The following TRPM3 variants were observed in gnomAD, a reference collection of about 807,000 sequenced individuals.
The protein encoded by TRPM3 is transient receptor potential cation channel subfamily M member 3, also known as long transient receptor potential channel 3.
A neutral mutation model predicts 181.2 loss-of-function variants in TRPM3; 77 were observed. The ratio of observed to expected loss-of-function variants is 0.42; its 90% CI spans 0.35 to 0.51. The LOEUF is 0.51. Ranked by LOEUF, TRPM3 falls within the 20% of genes least tolerant of loss-of-function variation. The pLI, the probability that TRPM3 is intolerant of heterozygous loss-of-function variation, is 0.01. For synonymous variants in TRPM3, 745 were observed against 796.4 expected, an observed-to-expected ratio of 0.94 and a Z score of 1.09; for missense variants, 1,759 against 2,196.7, an observed-to-expected ratio of 0.80 and a Z score of 3.98.
chr9:70,654,108 G>A (rs1460490404), intron 9 of TRPM3, among the ~76,000 whole-genome samples: 1 of 151,824 alleles, frequency 6.6e-6, no homozygotes, highest in Admixed American at 6.6e-5. Context: ...GTTGTTTAAG[G>A]ATCCTAATTA....
chr9:71,010,615 C>T (rs576991825), intron 1 of TRPM3, among the ~76,000 whole-genome samples: 9 of 151,830 alleles, frequency 5.9e-5, no homozygotes, highest in African/African-American at 1.9e-4. Context: ...AAAGACAAAA[C>T]GTATATAATA....
intron 1 of TRPM3, among the ~76,000 whole-genome samples, chr9:71,283,658 T>C (rs538301019): frequency 2.6e-5 from 4 of 152,320 alleles, no homozygotes; most frequent in African/African-American, 9.6e-5. Context: ...CACGTTTTGT[T>C]TATCCATTCA....
Position 71,288,747 on chromosome 9 carries a change from G to A in TRPM3, c.183+157906C>T, listed in dbSNP as rs530712035. On this transcript the variant is annotated intron_variant, in intron 1 of 24. Coordinates refer to the TRPM3 transcript ENST00000357533. ...TCAGCCAATCCTGAGTTGACTCAGA[G>A]TCTAGATTTTTAAAGAAAATCAAAG... 3.3e-5 allele frequency among the ~76,000 whole-genome samples: 5 copies of A among 152,240 alleles called. No individual in the cohort carries two copies. The East Asian group carries it at 9.7e-4, about 29-fold the overall frequency.
chr9:71,299,447 A>G (rs991479993), intron 1 of TRPM3, among the ~76,000 whole-genome samples: 26 of 151,906 alleles, frequency 1.7e-4, no homozygotes, highest in Non-Finnish European at 3.8e-4. Context: ...AAACTGAGAA[A>G]GGAAAAAGAA....
At chr9:70,678,034 G>A (rs950744909) in intron 9 of TRPM3, among the ~76,000 whole-genome samples, 24 of 151,206 alleles carry the variant, frequency 1.6e-4, no homozygotes, top group African/African-American at 5.8e-4. Context: ...TTGTTTATCT[G>A]AAAATTCAAA....
chr9:71,391,532 A>T (rs1191240810), intron 1 of TRPM3, among the ~76,000 whole-genome samples: 1 of 152,072 alleles, frequency 6.6e-6, no homozygotes, highest in Non-Finnish European at 1.5e-5. Flanking sequence ...TTTTAAGCTC[A>T]ATTTATAAAT....
chr9:71,009,862 T>C (rs1435879855), intron 1 of TRPM3, among the ~76,000 whole-genome samples: 1 of 150,620 alleles, frequency 6.6e-6, no homozygotes, highest in Non-Finnish European at 1.5e-5. Flanking sequence ...AAAAGCATAG[T>C]ACTGTCATAA....
intron 6 of TRPM3, among the ~76,000 whole-genome samples, chr9:70,819,125 G>C (rs2092948117): frequency 1.3e-5 from 2 of 152,182 alleles, no homozygotes; most frequent in Non-Finnish European, 1.5e-5. Flanking sequence ...TCCGAGTAGT[G>C]TTTCCTAAGA....
At chr9:70,747,712 T>G (rs2075423715) in intron 8 of TRPM3, among the ~76,000 whole-genome samples, 2 of 151,934 alleles carry the variant, frequency 1.3e-5, no homozygotes, top group Non-Finnish European at 2.9e-5. Context: ...AGAGACTGTA[T>G]CTGGTATGCA....
intron 1 of TRPM3, among the ~76,000 whole-genome samples, chr9:71,161,833 A>G (rs2076285818): frequency 6.6e-6 from 1 of 152,162 alleles, no homozygotes; most frequent in Non-Finnish European, 1.5e-5. Flanking sequence ...GATAAGTGAA[A>G]TACCTAAAAG....
At chr9:71,025,702 G>T (rs1212456466) in intron 1 of TRPM3, among the ~76,000 whole-genome samples, 4 of 152,212 alleles carry the variant, frequency 2.6e-5, no homozygotes, top group African/African-American at 9.6e-5. Flanking sequence ...AATGAGTTTG[G>T]GTTTTTTTCC....
intron 1 of TRPM3, among the ~76,000 whole-genome samples, chr9:70,928,243 T>C (rs77206108): frequency 0.027 from 4,171 of 152,320 alleles, 193 homozygotes; most frequent in African/African-American, 0.094. Context: ...TAATGAGCTC[T>C]AGTTTATACA....
At chr9:70,564,278 T>C (rs1237465625) in intron 22 of TRPM3, among the ~76,000 whole-genome samples, 3 of 152,194 alleles carry the variant, frequency 2.0e-5, no homozygotes, top group Admixed American at 2.0e-4. Flanking sequence ...TAAAATAAGT[T>C]ACTCTTTCAG....
At chr9:70,681,400 T>A (rs1002570178) in intron 9 of TRPM3, 106 bp downstream of exon 9, 1 of 899,122 alleles carries the variant, frequency 1.1e-6, no homozygotes, top group Non-Finnish European at 1.8e-6. Context: ...AATAATTTAT[T>A]GTGTCATAGT....
intron 3 of TRPM3, among the ~76,000 whole-genome samples, chr9:70,856,446 C>G (rs1361981664): frequency 6.6e-6 from 1 of 152,178 alleles, no homozygotes; most frequent in African/African-American, 2.4e-5. Flanking sequence ...TAATTTCCTA[C>G]TTGGTGTGTG....
chr9:70,996,671 T>C (rs2097543948), intron 1 of TRPM3, among the ~76,000 whole-genome samples: 1 of 152,260 alleles, frequency 6.6e-6, no homozygotes, highest in Non-Finnish European at 1.5e-5. Flanking sequence ...TACTGAATGC[T>C]CTCTGGTTTG....
At chr9:71,160,114 C>T (rs987068665) in intron 1 of TRPM3, among the ~76,000 whole-genome samples, 4 of 152,068 alleles carry the variant, frequency 2.6e-5, no homozygotes, top group Non-Finnish European at 5.9e-5. Context: ...CCATGTTATT[C>T]TTTGAATACA....
chr9:70,660,101 A>G (rs113082042), intron 9 of TRPM3, among the ~76,000 whole-genome samples: 2 of 152,316 alleles, frequency 1.3e-5, no homozygotes, highest in African/African-American at 4.8e-5. Flanking sequence ...ATGACAGATC[A>G]GATGAAACCT....
intron 1 of TRPM3, among the ~76,000 whole-genome samples, chr9:71,423,293 T>C (rs2093809460): frequency 1.3e-5 from 2 of 152,132 alleles, no homozygotes; most frequent in Non-Finnish European, 2.9e-5. Context: ...CCTTAAATAA[T>C]TGTTTTTTAA....
Sources: gnomAD v4.1 joint callset for allele counts (sites outside exome capture counted in the v4.1 genomes callset) on GRCh38, gnomAD v4.1.1 for gene constraint, MANE v1.5 for transcripts, NCBI Gene and HGNC (gene_info 2026-07-23, HGNC 2026-07-21) for gene names.